The following YAP1 variants were observed in gnomAD, a reference collection of about 807,000 sequenced individuals.
YAP1 encodes the protein transcriptional coactivator YAP1.
In YAP1, 5 loss-of-function variants were observed where a neutral mutation model predicts 56.9. The ratio of observed to expected loss-of-function variants is 0.09; its 90% confidence interval spans 0.05 to 0.18. The LOEUF (loss-of-function observed/expected upper bound fraction) is 0.18, where lower values mean the gene tolerates loss of function less well. Ranked by LOEUF, YAP1 falls within the 10% of genes least tolerant of loss-of-function variation. The probability of loss-of-function intolerance (pLI) is 1.00; values close to 1 mark genes in which losing one functional copy is unlikely to be tolerated. For missense variants in YAP1, 539 were observed against 651.8 expected (o/e 0.83, Z 1.88); for synonymous variants, 265 against 248.1 (o/e 1.07, Z -0.64).
chr11:102,193,422 TC>T (rs1160409611), intron 4 of YAP1, among the ~76,000 whole-genome samples: 1 of 152,146 alleles, frequency 6.6e-6, no homozygotes, highest in Non-Finnish European at 1.5e-5. Context: ...TTGTGAAATT[TC>T]GCTGTTCCTT....
rs1454743983 is a variant in YAP1, at chr11:102,230,918, T to G, written c.*978T>G. 2 of 152,218 alleles carry G rather than the reference T, an allele frequency of 1.3e-5. No individual in the cohort carries two copies. Among genetic ancestry groups the G allele is most frequent in the Non-Finnish European group, 2.9e-5 (2 of 68,038 alleles). The allele number at this position is 152,218 out of a possible 1,614,324, so 9.4% of individuals were successfully genotyped here. A position where few individuals can be genotyped will look rare whatever the true frequency, so the allele number is the denominator to read the frequency against. On this transcript the variant is annotated 3_prime_UTR_variant, in exon 9 of 9. Coordinates refer to ENST00000282441, the MANE Select transcript of YAP1 (RefSeq NM_001130145.3). The stretch of plus-strand genomic sequence containing the variant: ...TATAATAGTGTGGTAGTGGAATGTA[T>G]CCTTTTTTAGGTTTCCCTGCTTTCC...
At chr11:102,160,774 T>C (rs1235985041) in intron 2 of YAP1, among the ~76,000 whole-genome samples, 1 of 152,184 alleles carries the variant, frequency 6.6e-6, no homozygotes, top group Non-Finnish European at 1.5e-5. Flanking sequence ...CTTTCTTACC[T>C]CCTATTACAG....
At chr11:102,226,723 T>C (rs1950214291) in intron 7 of YAP1, among the ~76,000 whole-genome samples, 1 of 152,238 alleles carries the variant, frequency 6.6e-6, no homozygotes, top group African/African-American at 2.4e-5. Context: ...CATTTTATTT[T>C]CAAGGGATGT....
At chr11:102,208,135 T>G (rs185887007) in intron 5 of YAP1, among the ~76,000 whole-genome samples, 4 of 152,352 alleles carry the variant, frequency 2.6e-5, no homozygotes, top group Non-Finnish European at 4.4e-5. Flanking sequence ...GACTATTGTC[T>G]GTTCTCAGAT....
intron 1 of YAP1, chr11:102,112,782 T>C: frequency 1.0e-6 from 1 of 985,228 alleles, no homozygotes; most frequent in Non-Finnish European, 1.2e-6. Flanking sequence ...AGTGGGTTTA[T>C]GGACTCATTG....
chr11:102,111,458 C>T (rs1417415027), intron 1 of YAP1, among the ~76,000 whole-genome samples: 1 of 151,560 alleles, frequency 6.6e-6, no homozygotes, highest in Non-Finnish European at 1.5e-5. Context: ...TTCTTTCTTC[C>T]CGGGGTTCCC....
intron 4 of YAP1, among the ~76,000 whole-genome samples, chr11:102,195,259 A>G (rs1044316978): frequency 6.6e-6 from 1 of 152,130 alleles, no homozygotes; most frequent in African/African-American, 2.4e-5. Flanking sequence ...TGATGAGGAG[A>G]AAATGTTCTG....
intron 4 of YAP1, among the ~76,000 whole-genome samples, chr11:102,192,038 T>A (rs1948316823): frequency 6.6e-6 from 1 of 152,208 alleles, no homozygotes; most frequent in Admixed American, 6.5e-5. Context: ...GGCATCTAGT[T>A]GAATTATTTA....
Position 102,181,594 on chromosome 11 carries a change from AAAAT to A in YAP1, c.689-4412_689-4409del, listed in dbSNP as rs565711068. ...TTTGGAGACGGAGAAAGACTCTCTC[AAAAT>A]AAATAAATAAAATTTAAAAAAAAAC... On this transcript the variant is annotated intron_variant, in intron 3 of 8. Transcript: ENST00000282441. Among the ~76,000 whole-genome samples the A allele has an allele frequency of 2.3e-4, 35 of 152,344 alleles. No homozygotes were observed. The East Asian group carries it at 5.0e-3, about 22-fold the overall frequency.
At chr11:102,162,309 G>A (rs1409922261) in intron 2 of YAP1, 147 bp from the exon 3 acceptor site, 1 of 608,660 alleles carries the variant, frequency 1.6e-6, no homozygotes, top group African/African-American at 1.8e-5. Context: ...GTCTGTTGCA[G>A]AGGGAGGCTG....
intron 5 of YAP1, among the ~76,000 whole-genome samples, chr11:102,206,564 G>A (rs1301181002): frequency 2.0e-5 from 3 of 152,176 alleles, no homozygotes; most frequent in Admixed American, 6.5e-5. Context: ...TGTTACCTTT[G>A]GCCAGGTGCG....
intron 2 of YAP1, among the ~76,000 whole-genome samples, chr11:102,121,126 T>C (rs1373090763): frequency 2.6e-5 from 4 of 152,114 alleles, no homozygotes; most frequent in Non-Finnish European, 2.9e-5. Flanking sequence ...TGTAAAAATA[T>C]TAAAATGGAG....
At chr11:102,125,363 T>TTTTTC (rs1259135494) in intron 2 of YAP1, among the ~76,000 whole-genome samples, 2 of 145,318 alleles carry the variant, frequency 1.4e-5, no homozygotes, top group Non-Finnish European at 3.0e-5. Flanking sequence ...CATTCTTTTT[T>TTTTTC]TTTTCTTTTC....
At chr11:102,202,406 T>C (rs7942315) in intron 4 of YAP1, among the ~76,000 whole-genome samples, 147,740 of 147,840 alleles carry the variant, frequency 1, 73,820 homozygotes, top group Middle Eastern at 1. Context: ...GTCGTGATCT[T>C]CTGACCTCGT....
chr11:102,225,636 C>T (rs1217430713), intron 7 of YAP1, among the ~76,000 whole-genome samples: 2 of 152,182 alleles, frequency 1.3e-5, no homozygotes, highest in Non-Finnish European at 2.9e-5. Flanking sequence ...CCTTAGTTCC[C>T]TTTTACTTTT....
chr11:102,217,111 A>G (rs192056561), intron 6 of YAP1, among the ~76,000 whole-genome samples: 69 of 152,316 alleles, frequency 4.5e-4, no homozygotes, highest in Middle Eastern at 6.8e-3. Flanking sequence ...TATTTAGTGG[A>G]CTTTTATGGA....
intron 6 of YAP1, among the ~76,000 whole-genome samples, chr11:102,214,828 A>G (rs1372617136): frequency 6.6e-6 from 1 of 152,180 alleles, no homozygotes; most frequent in Non-Finnish European, 1.5e-5. Flanking sequence ...TGATTGAGTA[A>G]TACAGATTAC....
chr11:102,228,004 C>T (rs1401978146), intron 8 of YAP1, among the ~76,000 whole-genome samples: 1 of 148,890 alleles, frequency 6.7e-6, no homozygotes, highest in Non-Finnish European at 1.5e-5. Context: ...CCCCGGTGAT[C>T]ACACCACTGC....
intron 2 of YAP1, among the ~76,000 whole-genome samples, chr11:102,143,141 G>GT (rs879769915): frequency 5.3e-5 from 8 of 151,880 alleles, no homozygotes; most frequent in Non-Finnish European, 1.0e-4. Flanking sequence ...GGTTTTTTTT[G>GT]TTTTTTTGTT....
Sources: allele counts gnomAD v4.1 joint callset (sites outside exome capture counted in the v4.1 genomes callset), GRCh38; gene constraint gnomAD v4.1.1; transcripts MANE v1.5; gene names NCBI Gene and HGNC (gene_info 2026-07-23, HGNC 2026-07-21).